Variants in KCNQ1 observed in about 807,000 individuals in gnomAD.
KCNQ1 encodes the protein potassium voltage-gated channel subfamily Q member 1, also known as potassium voltage-gated channel subfamily KQT member 1.
KCNQ1 carries 49 observed loss-of-function variants against 72.4 expected under a neutral mutation model. The observed-to-expected ratio is 0.68, with a 90% CI of 0.54 to 0.86. KCNQ1 has a LOEUF of 0.86. KCNQ1 is among the 40% of genes least tolerant of loss of function. The probability of loss-of-function intolerance (pLI) is 0.00; values close to 1 mark genes in which losing one functional copy is unlikely to be tolerated. For missense variants in KCNQ1, 790 were observed against 945.1 expected, an observed-to-expected ratio of 0.84 and a Z score of 2.15; for synonymous variants, 450 against 412.6, an observed-to-expected ratio of 1.09 and a Z score of -1.10.
chr11:2,666,392 T>C (rs1272516168), intron 11 of KCNQ1: 1 of 398,654 alleles, frequency 2.5e-6, no homozygotes, highest in East Asian at 3.6e-5. Flanking sequence ...GCTTCGCAAA[T>C]CCTTGAGCAA....
rs149829871 is a variant in KCNQ1, at chr11:2,495,463, T to TA, written c.387-32464dup. Among the ~76,000 whole-genome samples, 1,182 of 152,336 alleles carry TA rather than the reference T, an allele frequency of 7.8e-3. 19 individuals are homozygous for TA. Among genetic ancestry groups the TA allele is most frequent in the African/African-American group, 0.027 (1,116 of 41,574 alleles). On this transcript the variant is annotated intron_variant, in intron 1 of 15. Coordinates refer to ENST00000155840, the MANE Select transcript of KCNQ1 (RefSeq NM_000218.3). This position sits in a 1 kb window ranked among gnomAD's most constrained non-coding sequence, Gnocchi z 4.6. ...ATTTCAGATCTCTCTAGCTTTCTGA[T>TA]ATGGGCATTTAGTGCTATAAATTTG...
Position 2,497,241 on chromosome 11 carries a change from A to G in KCNQ1, c.387-30687A>G, listed in dbSNP as rs1846937563. Among the ~76,000 whole-genome samples, 1 of 152,218 alleles carries G rather than the reference A, an allele frequency of 6.6e-6. No homozygotes were observed. The highest frequency in any genetic ancestry group is 1.9e-4 in the East Asian group (1 of 5,168). ...TGCTAGGTTGGGGAAGTTCTCCTGG[A>G]TAATATCCTGAAGTGTGTTTTCCAA... On this transcript the variant is annotated intron_variant, in intron 1 of 15. Transcript: ENST00000155840. This position sits in a 1 kb window ranked among gnomAD's most constrained non-coding sequence, Gnocchi z 4.5.
At position 2,772,834 on chromosome 11, in the gene KCNQ1, G is replaced by A. The variant is rs1846624304; in HGVS notation, c.1591-3126G>A. Among the ~76,000 whole-genome samples, 1 of 152,178 alleles carries A rather than the reference G, an allele frequency of 6.6e-6. No individual in the cohort carries two copies. The highest frequency in any genetic ancestry group is 2.4e-5 in the African/African-American group (1 of 41,438). ...GTGGCCCAGAGACTCCTAGGGCTTG[G>A]TTTTCCCCTGCCCTGCCTCCCTTCA... On this transcript the variant is annotated intron_variant, in intron 12 of 15. Coordinates refer to ENST00000155840, the MANE Select transcript of KCNQ1 (RefSeq NM_000218.3). The surrounding 1 kb of genome is among the most constrained non-coding windows in gnomAD (Gnocchi z 6.6).
rs556473346 is a variant in KCNQ1, at chr11:2,451,266, A to G, written c.386+5782A>G. On this transcript the variant is annotated intron_variant, in intron 1 of 15. Transcript: ENST00000155840. This position sits in a 1 kb window ranked among gnomAD's most constrained non-coding sequence, Gnocchi z 6.4. Reference sequence around the variant, plus strand: ...GATCATCAGGTATTAGATTCTCATAAGAAGCGTGCAACCTAGATCCCTTGT... The same window carrying G: ...GATCATCAGGTATTAGATTCTCATAGGAAGCGTGCAACCTAGATCCCTTGT... Among the ~76,000 whole-genome samples, 1 of 152,316 alleles carries G rather than the reference A, an allele frequency of 6.6e-6. No homozygotes were observed. Among genetic ancestry groups the G allele is most frequent in the African/African-American group, 2.4e-5 (1 of 41,558 alleles).
rs574226260 is a variant in KCNQ1, at chr11:2,710,093, G to T, written c.1514+48012G>T. On this transcript the variant is annotated intron_variant, in intron 11 of 15. Coordinates refer to ENST00000155840, the MANE Select transcript of KCNQ1 (RefSeq NM_000218.3). The surrounding 1 kb of genome is among the most constrained non-coding windows in gnomAD (Gnocchi z 4.1). ...TTTTCCAATGTGGCAGCACCATTTT[G>T]CATTCCCACCAGTAGTGTATGTGAG... Among the ~76,000 whole-genome samples, 1 of 152,284 alleles carries T rather than the reference G, an allele frequency of 6.6e-6. No homozygotes were observed. Among genetic ancestry groups the T allele is most frequent in the South Asian group, 2.1e-4 (1 of 4,816 alleles).
intron 10 of KCNQ1, among the ~76,000 whole-genome samples, chr11:2,597,331 T>G (rs1848747005): frequency 1.3e-5 from 2 of 152,224 alleles, no homozygotes; most frequent in African/African-American, 4.8e-5. Flanking sequence ...TTCTAGAAAT[T>G]TATTCTACAC....
chr11:2,796,816 T>A (rs1847143736), intron 15 of KCNQ1, among the ~76,000 whole-genome samples: 1 of 152,036 alleles, frequency 6.6e-6, no homozygotes, highest in South Asian at 2.1e-4. Context: ...TGCTGCGCCG[T>A]CCCTCCTGCG....
At position 2,734,096 on chromosome 11, in the gene KCNQ1, C is replaced by T. The variant is rs1845912134; in HGVS notation, c.1515-34748C>T. Among the ~76,000 whole-genome samples, 1 of 152,140 alleles carries T rather than the reference C, an allele frequency of 6.6e-6. No homozygotes were observed. Among genetic ancestry groups the T allele is most frequent in the African/African-American group, 2.4e-5 (1 of 41,434 alleles). On this transcript the variant is annotated intron_variant, in intron 11 of 15. Transcript: ENST00000155840. This position sits in a 1 kb window ranked among gnomAD's most constrained non-coding sequence, Gnocchi z 7.0. ...TGGTTCTGGCCTCTGATCACAGGCA[C>T]AGTTTCAAGCTTGTCTAGCACTGGC...
At chr11:2,756,965 A>AC (rs1846311373) in intron 11 of KCNQ1, among the ~76,000 whole-genome samples, 1 of 147,276 alleles carries the variant, frequency 6.8e-6, no homozygotes, top group African/African-American at 2.5e-5. Context: ...AAAAAAAAAA[A>AC]AAAAAAAAAA....
Position 2,451,272 on chromosome 11 carries a change from G to A in KCNQ1, c.386+5788G>A, listed in dbSNP as rs184935988. ...CAGGTATTAGATTCTCATAAGAAGCGTGCAACCTAGATCCCTTGTGTGCGC... is the reference window on the plus strand; with the variant it reads ...CAGGTATTAGATTCTCATAAGAAGCATGCAACCTAGATCCCTTGTGTGCGC... On this transcript the variant is annotated intron_variant, in intron 1 of 15. Transcript: ENST00000155840. The surrounding 1 kb of genome is among the most constrained non-coding windows in gnomAD (Gnocchi z 6.4). Among the ~76,000 whole-genome samples, 45 of 152,244 alleles carry A rather than the reference G, an allele frequency of 3.0e-4. No individual in the cohort carries two copies. The highest frequency in any genetic ancestry group is 1.2e-4 in the Non-Finnish European group (8 of 68,020).
At chr11:2,829,391 C>G (rs1444380064) in intron 15 of KCNQ1, among the ~76,000 whole-genome samples, 1 of 152,076 alleles carries the variant, frequency 6.6e-6, no homozygotes, top group African/African-American at 2.4e-5. Flanking sequence ...ACAGAAAGTT[C>G]AAGAATGAAT....
At position 2,536,600 on chromosome 11, in the gene KCNQ1, G is replaced by T. The variant is rs917893855; in HGVS notation, c.477+8582G>T. 6.6e-6 allele frequency among the ~76,000 whole-genome samples: 1 copy of T among 152,200 alleles called. No individual in the cohort carries two copies. Among genetic ancestry groups the T allele is most frequent in the Non-Finnish European group, 1.5e-5 (1 of 68,022 alleles). On this transcript the variant is annotated intron_variant, in intron 2 of 15. Transcript: ENST00000155840. The surrounding 1 kb of genome is among the most constrained non-coding windows in gnomAD (Gnocchi z 7.4). Reference sequence around the variant, plus strand: ...TCTTGGGACCTCCCTCTCTCAGGCGGGTCTGGAACCCAACAGAGCTGGTTT... The same window carrying T: ...TCTTGGGACCTCCCTCTCTCAGGCGTGTCTGGAACCCAACAGAGCTGGTTT...
chr11:2,649,593 C>A (rs760358034), intron 10 of KCNQ1: 7 of 398,472 alleles, frequency 1.8e-5, no homozygotes, highest in Admixed American at 4.4e-5. Context: ...ATTTTGTGAG[C>A]TTTTCCCCAC....
chr11:2,571,925 G>A, intron 4 of KCNQ1, 88 bp from the exon 5 acceptor site: 1 of 1,088,740 alleles, frequency 9.2e-7, no homozygotes, highest in Non-Finnish European at 1.4e-6. Flanking sequence ...CAGGGGCAGG[G>A]ACACCCATGC....
chr11:2,463,718 AC>A lies in KCNQ1; in HGVS notation c.386+18237del. Among the ~76,000 whole-genome samples, 1 of 152,286 alleles carries A rather than the reference AC, an allele frequency of 6.6e-6. No homozygotes were observed. Among genetic ancestry groups the A allele is most frequent in the East Asian group, 1.9e-4 (1 of 5,184 alleles). ...TGTGGGTGCCCAGGCCGAGATGTGA[AC>A]CCTGAGTTTGTGCAACTCGAGTTTC... is the stretch of plus-strand genomic sequence containing the variant. On this transcript the variant is annotated intron_variant, in intron 1 of 15. Coordinates refer to ENST00000155840, the MANE Select transcript of KCNQ1 (RefSeq NM_000218.3). This position sits in a 1 kb window ranked among gnomAD's most constrained non-coding sequence, Gnocchi z 7.0.
chr11:2,786,472 A>G (rs557121956), intron 15 of KCNQ1, among the ~76,000 whole-genome samples: 1 of 152,072 alleles, frequency 6.6e-6, no homozygotes, highest in African/African-American at 2.4e-5. Flanking sequence ...TCAGTTCTAG[A>G]TTATTCTCAG....
Position 2,683,552 on chromosome 11 carries a change from C to A in KCNQ1, c.1514+21471C>A, listed in dbSNP as rs974455760. The A allele has an allele frequency of 2.5e-6, 1 of 398,486 alleles. No individual in the cohort carries two copies. Among genetic ancestry groups the A allele is most frequent in the East Asian group, 3.6e-5 (1 of 28,094 alleles). The allele number at this position is 398,486 out of a possible 1,614,324, so 24.7% of individuals were successfully genotyped here. A position where few individuals can be genotyped will look rare whatever the true frequency, so the allele number is the denominator to read the frequency against. On this transcript the variant is annotated intron_variant, in intron 11 of 15. Transcript: ENST00000155840. This position sits in a 1 kb window ranked among gnomAD's most constrained non-coding sequence, Gnocchi z 4.7. ...CATTTCTAAAAAAGAGGTAGAAGCCCCTACCTACTGACTGGCATCACAAAC... is the reference window on the plus strand; with the variant it reads ...CATTTCTAAAAAAGAGGTAGAAGCCACTACCTACTGACTGGCATCACAAAC...
At position 2,612,538 on chromosome 11, in the gene KCNQ1, GAGTTTTTCACCTA is replaced by G. The variant is rs1285959919; in HGVS notation, c.1393+23689_1393+23701del. On this transcript the variant is annotated intron_variant, in intron 10 of 15. Coordinates refer to ENST00000155840, the MANE Select transcript of KCNQ1 (RefSeq NM_000218.3). The surrounding 1 kb of genome is among the most constrained non-coding windows in gnomAD (Gnocchi z 5.5). ...GTCAAATTTGCTTAGCCGCACTAGT[GAGTTTTTCACCTA>G]AGTTATTATATTTCACAACTACAGA... 1 of 398,378 alleles carries G rather than the reference GAGTTTTTCACCTA, an allele frequency of 2.5e-6. No individual in the cohort carries two copies. Among genetic ancestry groups the G allele is most frequent in the Admixed American group, 4.4e-5 (1 of 22,694 alleles). 24.7% of individuals were successfully genotyped at this position (398,378 alleles called of 1,614,324 possible). A position where few individuals can be genotyped will look rare whatever the true frequency, so the allele number is the denominator to read the frequency against.
chr11:2,537,015 C>T lies in KCNQ1; in HGVS notation c.477+8997C>T, dbSNP rs890448161. On this transcript the variant is annotated intron_variant, in intron 2 of 15. Transcript: ENST00000155840. This position sits in a 1 kb window ranked among gnomAD's most constrained non-coding sequence, Gnocchi z 5.2. ...CCTCTATGTAAGGACACCAGTCTTA[C>T]TGGATTGGAGGCTACCCTACTCCAC... is the stretch of plus-strand genomic sequence containing the variant. 6.6e-6 allele frequency among the ~76,000 whole-genome samples: 1 copy of T among 152,000 alleles called. No homozygotes were observed. Among genetic ancestry groups the T allele is most frequent in the African/African-American group, 2.4e-5 (1 of 41,288 alleles).
Sources: gnomAD v4.1 joint callset for allele counts (sites outside exome capture counted in the v4.1 genomes callset) on GRCh38, gnomAD v4.1.1 for gene constraint, Gnocchi (gnomAD v3.1) non-coding constraint, MANE v1.5 for transcripts, NCBI Gene and HGNC (gene_info 2026-07-23, HGNC 2026-07-21) for gene names.